The following LAMA2 variants were observed in gnomAD, a reference collection of about 807,000 sequenced individuals.
LAMA2 encodes laminin subunit alpha 2.
LAMA2 carries 269 observed loss-of-function variants against 364.8 expected under a neutral mutation model. The ratio of observed to expected loss-of-function variants is 0.74; its 90% CI spans 0.67 to 0.82. The LOEUF is 0.82. Ranked by LOEUF, LAMA2 falls within the 40% of genes least tolerant of loss-of-function variation. The pLI, the probability that LAMA2 is intolerant of heterozygous loss-of-function variation, is 0.00. For synonymous variants in LAMA2, 1,379 were observed against 1,370.6 expected (o/e 1.01, Z -0.14); for missense variants, 3,807 against 3,873.2 (o/e 0.98, Z 0.45).
intron 30 of LAMA2, among the ~76,000 whole-genome samples, chr6:129,345,339 C>T (rs779626907): frequency 6.6e-6 from 1 of 152,002 alleles, no homozygotes; most frequent in South Asian, 2.1e-4. Flanking sequence ...AGGGTAGGCC[C>T]GGTTTTGGTT....
At chr6:129,429,087 C>T (rs1781465649) in intron 41 of LAMA2, among the ~76,000 whole-genome samples, 1 of 152,162 alleles carries the variant, frequency 6.6e-6, no homozygotes, top group African/African-American at 2.4e-5. Flanking sequence ...CACCTCTCTT[C>T]TTTGCCTAAC....
chr6:129,356,578 T>C (rs1018731029), intron 32 of LAMA2, among the ~76,000 whole-genome samples: 24 of 152,108 alleles, frequency 1.6e-4, no homozygotes, highest in Non-Finnish European at 3.5e-4. Context: ...GATTTGAGCA[T>C]GGGTCAGTCT....
At chr6:128,883,503 CAAG>C in intron 1 of LAMA2, 146 bp downstream of exon 1, 1 of 1,290,064 alleles carries the variant, frequency 7.8e-7, no homozygotes, top group Non-Finnish European at 1.1e-6. Flanking sequence ...GAACTTGAAG[CAAG>C]TTCAAGTTCA....
chr6:129,057,944 G>C (rs980087071), intron 2 of LAMA2, among the ~76,000 whole-genome samples: 1 of 152,156 alleles, frequency 6.6e-6, no homozygotes, highest in African/African-American at 2.4e-5. Flanking sequence ...CAGATACTTA[G>C]TTTTATGAAA....
intron 1 of LAMA2, among the ~76,000 whole-genome samples, chr6:128,984,706 G>C (rs1783109413): frequency 6.7e-6 from 1 of 150,198 alleles, no homozygotes; most frequent in Admixed American, 6.6e-5. Flanking sequence ...AGTCTTACTG[G>C]TTTTCATCTG....
intron 4 of LAMA2, among the ~76,000 whole-genome samples, chr6:129,100,107 T>C (rs1296756360): frequency 6.6e-6 from 1 of 152,242 alleles, no homozygotes; most frequent in Non-Finnish European, 1.5e-5. Context: ...TCGGCAGGTA[T>C]GTAACATGCG....
chr6:129,475,126 C>T (rs1278740541), intron 52 of LAMA2, among the ~76,000 whole-genome samples: 1 of 152,000 alleles, frequency 6.6e-6, no homozygotes, highest in South Asian at 2.1e-4. Context: ...AGAACAAGTA[C>T]TTTAAATTCA....
chr6:129,352,040 C>A (rs1258473577), intron 31 of LAMA2, among the ~76,000 whole-genome samples: 1 of 152,142 alleles, frequency 6.6e-6, no homozygotes, highest in East Asian at 1.9e-4. Context: ...GGCTCCAATC[C>A]CCTACTGTCT....
At position 129,438,656 on chromosome 6, in the gene LAMA2, C is replaced by A. The variant is rs755735740; in HGVS notation, c.5979C>A (p.Asp1993Glu). Reference protein sequence around the residue: ...KLANDVKENEDHLNGLKTRIE... With the variant: ...KLANDVKENEEHLNGLKTRIE... Reference sequence around the variant, plus strand: ...GTTTTTTATTCGCAGAAAATGAAGACCATCTAAATGGCTTAAAAACCAGGA... The same window carrying A: ...GTTTTTTATTCGCAGAAAATGAAGAACATCTAAATGGCTTAAAAACCAGGA... Residue 1993 changes from aspartate (D) to glutamate (E), a missense_variant, in exon 42 of 65, where the codon GAC becomes GAA. Physicochemically the swap from Asp to Glu is conservative, Grantham distance 45. Around this residue, in one of 3 missense-constraint regions of LAMA2, gnomAD observed 3,333 missense variants for 3,345.7 expected, o/e 1.00. Coordinates refer to ENST00000421865, the MANE Select transcript of LAMA2 (RefSeq NM_000426.4). 11 of 1,568,728 alleles carry A rather than the reference C, an allele frequency of 7.0e-6. No individual in the cohort carries two copies. Among genetic ancestry groups the A allele is most frequent in the Non-Finnish European group, 9.7e-6 (11 of 1,139,264 alleles).
At position 129,472,550 on chromosome 6, in the gene LAMA2, A is replaced by G. The variant is rs141774832; in HGVS notation, c.7301-664A>G. Among the ~76,000 whole-genome samples the G allele has an allele frequency of 1.4e-3, 215 of 152,012 alleles. 1 individual carries two copies. The highest frequency in any genetic ancestry group is 5.0e-3 in the African/African-American group (207 of 41,538). On this transcript the variant is annotated intron_variant, in intron 51 of 64. Transcript: ENST00000421865. ...GCCTCATCTTTCCTTTTTTCCATCT[A>G]TTTCTGAATTCTTATCTTCATCACA...
intron 1 of LAMA2, among the ~76,000 whole-genome samples, chr6:128,989,101 G>A (rs1438235669): frequency 1.3e-5 from 2 of 152,086 alleles, no homozygotes; most frequent in Non-Finnish European, 2.9e-5. Flanking sequence ...CTCTAATTCT[G>A]TAAGTTAAAC....
intron 7 of LAMA2, among the ~76,000 whole-genome samples, chr6:129,152,504 A>G (rs1391727718): frequency 6.6e-6 from 1 of 152,212 alleles, no homozygotes; most frequent in Non-Finnish European, 1.5e-5. Flanking sequence ...CAGGCATATT[A>G]TCATGATCCT....
chr6:129,329,846 C>G lies in LAMA2; in HGVS notation c.4311+1434C>G, dbSNP rs13206081. Among the ~76,000 whole-genome samples, 896 of 152,294 alleles carry G rather than the reference C, an allele frequency of 5.9e-3. 3 individuals carry two copies. The highest frequency in any genetic ancestry group is 0.01 in the Non-Finnish European group (682 of 68,018). ...AGAAACCAGACCACACAGCAGGAGG[C>G]AAGCAGCAGGCAAAGGAGCAAGCGC... On this transcript the variant is annotated intron_variant, in intron 29 of 64. Transcript: ENST00000421865.
rs540208966 is a variant in LAMA2 at position 129,281,749 on chromosome 6, C to G, written c.2537+1602C>G. Among the ~76,000 whole-genome samples, 3 of 152,244 alleles carry G rather than the reference C, an allele frequency of 2.0e-5. No homozygotes were observed. The South Asian group carries it at 6.2e-4, about 32-fold the overall frequency. The stretch of plus-strand genomic sequence containing the variant: ...GTCTAAAATCTGTATTAATCTGATT[C>G]AGAAGATGGCAACATGCATATGCAG... On this transcript the variant is annotated intron_variant, in intron 18 of 64. Coordinates refer to ENST00000421865, the MANE Select transcript of LAMA2 (RefSeq NM_000426.4).
At chr6:128,987,975 A>C (rs1783371823) in intron 1 of LAMA2, among the ~76,000 whole-genome samples, 1 of 152,120 alleles carries the variant, frequency 6.6e-6, no homozygotes, top group South Asian at 2.1e-4. Context: ...GCTGGATTCA[A>C]GTGATTCTCC....
intron 8 of LAMA2, among the ~76,000 whole-genome samples, chr6:129,164,327 T>G (rs983116574): frequency 2.6e-5 from 4 of 152,204 alleles, no homozygotes; most frequent in African/African-American, 4.8e-5. Flanking sequence ...ACATGCAAAT[T>G]AAAACTTTTC....
intron 56 of LAMA2, chr6:129,491,020 G>A (rs1465186143): frequency 2.6e-5 from 4 of 152,098 alleles, no homozygotes; most frequent in Non-Finnish European, 5.9e-5. Context: ...AGTCAAGTAA[G>A]AGGGTACTTT....
At chr6:129,024,382 C>CTTTTT (rs202105513) in intron 1 of LAMA2, among the ~76,000 whole-genome samples, 8 of 116,792 alleles carry the variant, frequency 6.8e-5, no homozygotes, top group African/African-American at 2.0e-4. Flanking sequence ...TCTTTTCTTT[C>CTTTTT]TTTTTTTTTT....
chr6:129,502,625 A>G (rs1365824134), intron 58 of LAMA2, 34 bp from the exon 59 acceptor site: 1 of 1,295,632 alleles, frequency 7.7e-7, no homozygotes, highest in Admixed American at 1.7e-5. Context: ...AACAGTCCAT[A>G]ATCTCCTGTT....
Sources: gnomAD v4.1 joint callset for allele counts (sites outside exome capture counted in the v4.1 genomes callset) on GRCh38, gnomAD v4.1.1 for gene constraint, gnomAD v4.1.1 regional missense constraint, MANE v1.5 for transcripts, NCBI Gene and HGNC (gene_info 2026-07-23, HGNC 2026-07-21) for gene names.